Variants in SATB2 observed in about 807,000 individuals in gnomAD.
SATB2 encodes DNA-binding protein SATB2.
In SATB2, 1 loss-of-function variant was observed where a neutral mutation model predicts 73.4. The ratio of observed to expected loss-of-function variants is 0.01; its 90% CI spans 0.00 to 0.06. SATB2 has a LOEUF of 0.06. Ranked by LOEUF, SATB2 falls within the 10% of genes least tolerant of loss-of-function variation. The pLI, the probability that SATB2 is intolerant of heterozygous loss-of-function variation, is 1.00. For missense variants in SATB2, 459 were observed against 945.8 expected (o/e 0.49, Z 6.75); for synonymous variants, 397 against 367.0 (o/e 1.08, Z -0.93).
At chr2:199,361,906 T>A (rs549459079) in intron 6 of SATB2, among the ~76,000 whole-genome samples, 1 of 151,952 alleles carries the variant, frequency 6.6e-6, no homozygotes, top group African/African-American at 2.4e-5. Flanking sequence ...TACAGCTAAC[T>A]TTTTGTGTTT....
chr2:199,459,576 A>AT (rs1236705205), upstream of SATB2: 1 of 152,650 alleles, frequency 6.6e-6, no homozygotes, highest in East Asian at 1.9e-4. This position sits in a 1 kb window ranked among gnomAD's most constrained non-coding sequence, Gnocchi z 4.2. Context: ...AGGCCAGAGA[A>AT]TCCCCCCTCA....
At chr2:199,304,387 C>T (rs1687372275) in intron 10 of SATB2, among the ~76,000 whole-genome samples, 1 of 151,632 alleles carries the variant, frequency 6.6e-6, no homozygotes, top group Non-Finnish European at 1.5e-5. Flanking sequence ...TTTGGTTTGC[C>T]TTACAAGGTC....
At chr2:199,454,919 GCTA>G (rs758991480) in intron 2 of SATB2, among the ~76,000 whole-genome samples, 2 of 152,046 alleles carry the variant, frequency 1.3e-5, no homozygotes, top group African/African-American at 2.4e-5. Flanking sequence ...TATTAAATGG[GCTA>G]CTGTTGAAAT....
In SATB2 at chr2:199,342,180, G is replaced by A. The variant is rs970844646; in HGVS notation, c.1173+6521C>T. ...ACCATGGGCCGGGGAGCGGGGAGGC[G>A]GGGGAGCATCAAAAACAGAGCTGGG... On this transcript the variant is annotated intron_variant, in intron 7 of 10. Coordinates refer to ENST00000417098, the MANE Select transcript of SATB2 (RefSeq NM_001172509.2). Among the ~76,000 whole-genome samples the A allele has an allele frequency of 3.3e-5, 5 of 152,164 alleles. 1 individual carries two copies. The South Asian group carries it at 6.2e-4, about 19-fold the overall frequency.
intron 7 of SATB2, among the ~76,000 whole-genome samples, chr2:199,336,010 G>C (rs1364206838): frequency 6.6e-6 from 1 of 152,104 alleles, no homozygotes; most frequent in African/African-American, 2.4e-5. Context: ...CTTTGACCAA[G>C]CCACATTTGA....
intron 10 of SATB2, among the ~76,000 whole-genome samples, chr2:199,282,547 G>C (rs1574468857): frequency 6.6e-6 from 1 of 152,138 alleles, no homozygotes; most frequent in African/African-American, 2.4e-5. Context: ...CACAGTGCTT[G>C]TTAATCTGTA....
chr2:199,457,231 C>G lies in SATB2; in HGVS notation c.-60+108G>C, dbSNP rs147074068. ...GGGCGAGGCTTCCGCCTGCATTCCC[C>G]GACTTCGCGGTCCGAGAGGCCGAGA... On this transcript the variant is annotated intron_variant, in intron 1 of 10. Transcript: ENST00000417098. This position sits in a 1 kb window ranked among gnomAD's most constrained non-coding sequence, Gnocchi z 4.8. The G allele has an allele frequency of 6.6e-6, 1 of 152,302 alleles. No individual in the cohort carries two copies. Among genetic ancestry groups the G allele is most frequent in the East Asian group, 1.9e-4 (1 of 5,188 alleles). The allele number at this position is 152,302 out of a possible 1,614,324, so 9.4% of individuals were successfully genotyped here.
intron 3 of SATB2, among the ~76,000 whole-genome samples, chr2:199,423,366 G>C (rs1335960953): frequency 1.3e-5 from 2 of 152,208 alleles, no homozygotes; most frequent in Non-Finnish European, 1.5e-5. Flanking sequence ...TATGATGCTA[G>C]AGAACCACAG....
intron 3 of SATB2, among the ~76,000 whole-genome samples, chr2:199,430,358 C>T (rs1235851394): frequency 6.6e-6 from 1 of 152,216 alleles, no homozygotes; most frequent in African/African-American, 2.4e-5. Flanking sequence ...AGTATGCTTG[C>T]CATTCATTAG....
intron 5 of SATB2, among the ~76,000 whole-genome samples, chr2:199,371,170 T>C (rs773492135): frequency 6.6e-6 from 1 of 152,164 alleles, no homozygotes; most frequent in African/African-American, 2.4e-5. Flanking sequence ...GGGAATATTT[T>C]AAAAGAAAGG....
At chr2:199,282,402 G>A (rs1692552238) in intron 10 of SATB2, among the ~76,000 whole-genome samples, 1 of 152,014 alleles carries the variant, frequency 6.6e-6, no homozygotes, top group Admixed American at 6.5e-5. Context: ...CCTATAAGAT[G>A]GCATTGTATA....
intron 2 of SATB2, among the ~76,000 whole-genome samples, chr2:199,450,419 A>C (rs1692090271): frequency 6.6e-6 from 1 of 152,146 alleles, no homozygotes; most frequent in Non-Finnish European, 1.5e-5. Flanking sequence ...ATGTTACCAT[A>C]TATTAGTTAT....
At chr2:199,326,972 G>A (rs1265189147) in intron 8 of SATB2, among the ~76,000 whole-genome samples, 1 of 152,136 alleles carries the variant, frequency 6.6e-6, no homozygotes, top group Non-Finnish European at 1.5e-5. Flanking sequence ...GAGTTAAAAT[G>A]TGTGAAAAAA....
At chr2:199,314,315 G>A (rs926345843) in intron 9 of SATB2, among the ~76,000 whole-genome samples, 2 of 152,164 alleles carry the variant, frequency 1.3e-5, no homozygotes, top group African/African-American at 2.4e-5. Flanking sequence ...AATTAGCCTA[G>A]AGGAATGTTT....
intron 10 of SATB2, among the ~76,000 whole-genome samples, chr2:199,289,730 C>T (rs978238288): frequency 6.6e-6 from 1 of 152,172 alleles, no homozygotes; most frequent in Non-Finnish European, 1.5e-5. Context: ...ATTGGTGCTC[C>T]AAGACCAACC....
exon 1 of SATB2, chr2:199,471,226 C>G (rs890502888): frequency 2.0e-5 from 3 of 152,398 alleles, no homozygotes; most frequent in African/African-American, 7.2e-5. Flanking sequence ...GTTTACCTCT[C>G]CTGAGATCAG....
At chr2:199,361,771 TTA>T (rs1689144864) in intron 6 of SATB2, among the ~76,000 whole-genome samples, 1 of 151,266 alleles carries the variant, frequency 6.6e-6, no homozygotes, top group Non-Finnish European at 1.5e-5. Flanking sequence ...TTTTTTTTTT[TTA>T]TGTGAGACAG....
chr2:199,338,376 A>G (rs1688398678), intron 7 of SATB2, among the ~76,000 whole-genome samples: 1 of 93,796 alleles, frequency 1.1e-5, no homozygotes, highest in Non-Finnish European at 2.9e-5. Flanking sequence ...TTAAAAACAA[A>G]CAAACAAGAA....
chr2:199,382,986 A>T (rs1424275125), intron 3 of SATB2, among the ~76,000 whole-genome samples: 1 of 152,220 alleles, frequency 6.6e-6, no homozygotes, highest in Non-Finnish European at 1.5e-5. Flanking sequence ...AAATTCCAGC[A>T]ATAGGAAATG....
Sources: gnomAD v4.1 joint callset for allele counts (sites outside exome capture counted in the v4.1 genomes callset) on GRCh38, gnomAD v4.1.1 for gene constraint, Gnocchi (gnomAD v3.1) non-coding constraint, MANE v1.5 for transcripts, NCBI Gene and HGNC (gene_info 2026-07-23, HGNC 2026-07-21) for gene names.